Variants in TTC3 observed in about 807,000 individuals in gnomAD.
TTC3 encodes the protein E3 ubiquitin-protein ligase TTC3.
In TTC3, 180 loss-of-function variants were observed where a neutral mutation model predicts 249.6. The ratio of observed to expected loss-of-function variants is 0.72; its 90% CI spans 0.64 to 0.82. TTC3 has a LOEUF of 0.82. TTC3 is among the 40% of genes least tolerant of loss of function. TTC3 has a pLI of 0.00. For synonymous variants in TTC3, 717 were observed against 805.0 expected, an observed-to-expected ratio of 0.89 and a Z score of 1.85; for missense variants, 2,061 against 2,398.4, an observed-to-expected ratio of 0.86 and a Z score of 2.94.
chr21:37,135,316 A>G (rs2077830142), intron 17 of TTC3, 64 bp from the exon 18 acceptor site: 16 of 1,521,514 alleles, frequency 1.1e-5, no homozygotes, highest in East Asian at 2.3e-5. Context: ...TGAACTTGGC[A>G]TCTTAGGTTT....
At position 37,185,613 on chromosome 21, in the gene TTC3, A is replaced by G. The variant is rs552903213; in HGVS notation, c.4758-93A>G. 5.9e-5 allele frequency: 34 copies of G among 573,060 alleles called. No individual in the cohort carries two copies. The African/African-American group carries it at 6.2e-4, about 10-fold the overall frequency. The allele number at this position is 573,060 out of a possible 1,614,324, so 35.5% of individuals were successfully genotyped here. The stretch of plus-strand genomic sequence containing the variant: ...AATATATATATTAAAAAATCAAGAA[A>G]TGTTTTTAAGGATATGGGTGCAATT... On this transcript the variant is annotated intron_variant, in intron 36 of 45. Transcript: ENST00000355666.
At chr21:37,175,533 G>T (rs1299839314) in intron 35 of TTC3, among the ~76,000 whole-genome samples, 1 of 145,020 alleles carries the variant, frequency 6.9e-6, no homozygotes, top group Non-Finnish European at 1.5e-5. Context: ...GGAGGCAGAG[G>T]TTGCAGTGAG....
chr21:37,088,436 T>C, intron 4 of TTC3, 90 bp downstream of exon 4: 1 of 1,469,114 alleles, frequency 6.8e-7, no homozygotes, highest in South Asian at 1.4e-5. Flanking sequence ...AAGGCTTATG[T>C]CTTATTCTTG....
At chr21:37,113,631 G>A (rs112380957) in intron 11 of TTC3, among the ~76,000 whole-genome samples, 25 of 152,146 alleles carry the variant, frequency 1.6e-4, no homozygotes, top group African/African-American at 3.4e-4. Context: ...TATAGATTCA[G>A]TGCCATCCCC....
chr21:37,116,314 T>G (rs1364867031), intron 11 of TTC3, among the ~76,000 whole-genome samples: 3 of 152,230 alleles, frequency 2.0e-5, no homozygotes, highest in African/African-American at 7.2e-5. Context: ...TGATAGTGTT[T>G]GCTTCTGGGC....
chr21:37,199,018 C>T (rs559064133), intron 44 of TTC3, among the ~76,000 whole-genome samples: 14 of 152,292 alleles, frequency 9.2e-5, no homozygotes, highest in Admixed American at 5.9e-4. Context: ...GGCTCTTCCC[C>T]GGTCTGGCAC....
chr21:37,126,554 C>T (rs570526201), intron 15 of TTC3, among the ~76,000 whole-genome samples: 17 of 152,236 alleles, frequency 1.1e-4, no homozygotes, highest in Non-Finnish European at 2.2e-4. Context: ...TGTGCATCTG[C>T]GCTTTATGTA....
intron 30 of TTC3, among the ~76,000 whole-genome samples, chr21:37,161,712 A>G (rs2080772866): frequency 6.6e-6 from 1 of 152,218 alleles, no homozygotes. Context: ...TTTATCTTTG[A>G]CTATGTATTT....
intron 16 of TTC3, among the ~76,000 whole-genome samples, chr21:37,130,394 T>TA (rs894671110): frequency 6.6e-6 from 1 of 152,088 alleles, no homozygotes; most frequent in Non-Finnish European, 1.5e-5. Context: ...CTGTTTTATT[T>TA]AAAAAAAATT....
intron 35 of TTC3, among the ~76,000 whole-genome samples, chr21:37,174,202 A>C (rs2082046206): frequency 6.6e-6 from 1 of 152,198 alleles, no homozygotes; most frequent in Admixed American, 6.5e-5. Flanking sequence ...TCGGAAATAA[A>C]GCACCCAGTG....
intron 35 of TTC3, among the ~76,000 whole-genome samples, chr21:37,174,070 C>T (rs994283905): frequency 6.6e-6 from 1 of 152,158 alleles, no homozygotes; most frequent in Non-Finnish European, 1.5e-5. Context: ...AGCATTCAGC[C>T]GGTGAGATAT....
intron 6 of TTC3, 168 bp downstream of exon 6, chr21:37,090,454 G>T (rs974889259): frequency 6.3e-6 from 4 of 632,718 alleles, no homozygotes; most frequent in South Asian, 6.9e-5. Flanking sequence ...TGGGGGTTTG[G>T]ATCATTTTCT....
At chr21:37,097,569 A>G (rs1183220961) in intron 10 of TTC3, among the ~76,000 whole-genome samples, 1 of 152,248 alleles carries the variant, frequency 6.6e-6, no homozygotes, top group African/African-American at 2.4e-5. Flanking sequence ...TTGACAAGTT[A>G]CTTAATTCTC....
chr21:37,139,732 C>T (rs2078261683), intron 19 of TTC3, among the ~76,000 whole-genome samples: 1 of 151,820 alleles, frequency 6.6e-6, no homozygotes, highest in Non-Finnish European at 1.5e-5. Context: ...ATAATAAATA[C>T]CATATTTTAC....
chr21:37,108,454 T>C lies in TTC3; in HGVS notation c.900+8T>C. The C allele has an allele frequency of 6.2e-7, 1 of 1,612,004 alleles. No homozygotes were observed. The highest frequency in any genetic ancestry group is 8.5e-7 in the Non-Finnish European group (1 of 1,179,250). ...AAGAACACTTGGCCAAAGGTAGGTT[T>C]CTTCTGTATTTTATATTGAGCAAAT... is the stretch of plus-strand genomic sequence containing the variant. On this transcript the variant is annotated splice_region_variant and intron_variant, in intron 11 of 45. Coordinates refer to ENST00000355666, the Ensembl canonical transcript of TTC3.
At chr21:37,093,799 T>C (rs989637337) in intron 7 of TTC3, among the ~76,000 whole-genome samples, 11 of 152,168 alleles carry the variant, frequency 7.2e-5, no homozygotes, top group African/African-American at 2.2e-4. Context: ...ATAACTGATG[T>C]TTTCTGCAAC....
intron 16 of TTC3, among the ~76,000 whole-genome samples, chr21:37,129,321 A>G (rs1041503355): frequency 1.3e-5 from 2 of 152,196 alleles, no homozygotes; most frequent in African/African-American, 4.8e-5. Context: ...CTTAAATCCC[A>G]GAATATGTAC....
chr21:37,148,644 C>T, exon 23 of TTC3: 1 of 1,568,990 alleles, frequency 6.4e-7, no homozygotes, highest in Middle Eastern at 1.7e-4. Context: ...ATAAAATTGA[C>T]AAGGTAAAGC....
At chr21:37,170,515 T>C (rs1454860722) in intron 34 of TTC3, among the ~76,000 whole-genome samples, 1 of 152,226 alleles carries the variant, frequency 6.6e-6, no homozygotes, top group Non-Finnish European at 1.5e-5. Flanking sequence ...GGGATTTGTA[T>C]GTTTGTTTTG....
Sources: gnomAD v4.1 joint callset for allele counts (sites outside exome capture counted in the v4.1 genomes callset) on GRCh38, gnomAD v4.1.1 for gene constraint, MANE v1.5 for transcripts, NCBI Gene and HGNC (gene_info 2026-07-23, HGNC 2026-07-21) for gene names.